Variants in ELOA observed in about 807,000 individuals in gnomAD.
The protein encoded by ELOA is elongin-A.
A neutral mutation model predicts 85.2 loss-of-function variants in ELOA; 15 were observed. That is an observed-to-expected ratio of 0.18 (90% CI 0.12 to 0.27). ELOA has a LOEUF of 0.27. Among genes scored for constraint, ELOA ranks in the 10% least tolerant of loss-of-function variants. The pLI is 1.00. For missense variants in ELOA, 769 were observed against 952.7 expected (o/e 0.81, Z 2.54); for synonymous variants, 348 against 357.2 (o/e 0.97, Z 0.29).
chr1:23,750,838 A>C lies in ELOA; in HGVS notation c.240-7A>C. 6.4e-7 allele frequency: 1 copy of C among 1,551,498 alleles called. No homozygotes were observed. The highest frequency in any genetic ancestry group is 8.7e-7 in the Non-Finnish European group (1 of 1,154,064). On this transcript the variant is annotated splice_region_variant and splice_polypyrimidine_tract_variant and intron_variant, in intron 3 of 10. Coordinates refer to ENST00000613537, the MANE Select transcript of ELOA (RefSeq NM_003198.3). ...ACCTACTTTGTCTGCTTTTTCTTTT[A>C]TTTTAGAAATGCTGAGCCTGATGAA...
At position 23,756,305 on chromosome 1, in the gene ELOA, T is replaced by A; in HGVS notation, c.2004T>A (p.Ser668=). 6.4e-7 allele frequency: 1 copy of A among 1,573,028 alleles called. No individual in the cohort carries two copies. Among genetic ancestry groups the A allele is most frequent in the Non-Finnish European group, 8.6e-7 (1 of 1,158,896 alleles). Residue 668 remains serine, a synonymous_variant, in exon 9 of 11, where the codon TCT becomes TCA. Transcript: ENST00000613537. The part of the protein sequence containing the change: ...GRQAKMAFVN[S]VAKPPRDVRR... ...AAGCAAAGATGGCCTTTGTCAACTC[T>A]GTGGCCAAGCCACCTCGTGACGTCC... is the stretch of plus-strand genomic sequence containing the variant.
chr1:23,754,807 A>C (rs892376499), intron 7 of ELOA, among the ~76,000 whole-genome samples: 2 of 152,198 alleles, frequency 1.3e-5, no homozygotes, highest in South Asian at 4.1e-4. Context: ...ACACTCTGAC[A>C]TCTGGTGATT....
In ELOA at chr1:23,751,083, A is replaced by G; in HGVS notation, c.478A>G (p.Arg160Gly). Residue 160 changes from arginine (R) to glycine (G), a missense_variant, in exon 4 of 11, where the codon AGA becomes GGA. Arg to Gly is a moderately radical substitution (Grantham distance 125). This residue lies in a region of ELOA where 440 missense variants were observed against 474.0 expected (regional missense o/e 0.93). Coordinates refer to ENST00000613537, the MANE Select transcript of ELOA (RefSeq NM_003198.3). Reference protein sequence around the residue: ...ERRDERKRCHRMSPTYSSDPE... With the variant: ...ERRDERKRCHGMSPTYSSDPE... ...GAGAGATGAGAGAAAGAGGTGTCAC[A>G]GAATGTCACCAACTTACTCTTCAGA... The G allele has an allele frequency of 6.2e-7, 1 of 1,614,144 alleles. No homozygotes were observed. The highest frequency in any genetic ancestry group is 8.5e-7 in the Non-Finnish European group (1 of 1,180,040).
At chr1:23,748,899 T>G (rs1312245971) in intron 1 of ELOA, 122 bp from the exon 2 acceptor site, 1 of 697,242 alleles carries the variant, frequency 1.4e-6, no homozygotes, top group Admixed American at 2.6e-5. Flanking sequence ...TATTACTTAC[T>G]ACTGTAAATA....
intron 10 of ELOA, 56 bp downstream of exon 10, chr1:23,757,181 C>G (rs904140974): frequency 1.4e-6 from 2 of 1,479,778 alleles, no homozygotes; most frequent in Admixed American, 2.5e-5. Context: ...TTTTAACTCT[C>G]AATGTCATTA....
intron 3 of ELOA, among the ~76,000 whole-genome samples, chr1:23,750,170 CTTTTTTTTT>C (rs747972246): frequency 3.3e-5 from 3 of 90,536 alleles, no homozygotes; most frequent in South Asian, 4.1e-4. Context: ...TGGTACGTTT[CTTTTTTTTT>C]TTTTTTTTTT....
chr1:23,750,097 T>TA (rs1381758969), intron 3 of ELOA, 149 bp downstream of exon 3: 1 of 509,410 alleles, frequency 2.0e-6, no homozygotes, highest in Non-Finnish European at 3.2e-6. Flanking sequence ...TATTAGAAAA[T>TA]ATTAAAAATA....
chr1:23,759,443 T>C (rs1265731771), intron 10 of ELOA, 69 bp from the exon 11 acceptor site: 2 of 1,519,322 alleles, frequency 1.3e-6, no homozygotes, highest in African/African-American at 2.7e-5. Flanking sequence ...TGGCTTTGAC[T>C]GTAAACTACT....
rs72663289 is a variant in ELOA at position 23,753,894 on chromosome 1, T to C, written c.1538-206T>C. ...CAGGTGCATGTTGGGCAGGCTGATC[T>C]CGAACTCTTGACCTCAGATGATTCA... On this transcript the variant is annotated intron_variant, in intron 5 of 10. Transcript: ENST00000613537. 7.9e-3 allele frequency among the ~76,000 whole-genome samples: 1,197 copies of C among 152,174 alleles called. 7 individuals are homozygous for C. Among genetic ancestry groups the C allele is most frequent in the Non-Finnish European group, 0.013 (914 of 67,994 alleles).
Position 23,754,207 on chromosome 1 carries a change from A to T in ELOA, c.1645A>T (p.Met549Leu), listed in dbSNP as rs1347385520. 1 of 1,614,230 alleles carries T rather than the reference A, an allele frequency of 6.2e-7. No individual in the cohort carries two copies. Residue 549 changes from methionine to leucine, a missense_variant, in exon 6 of 11, where the codon ATG (methionine) becomes TTG (leucine). Physicochemically the swap from Met to Leu is conservative, Grantham distance 15. Around this residue, in one of 4 missense-constraint regions of ELOA, gnomAD observed 193 missense variants for 278.9 expected, o/e 0.69. Coordinates refer to ENST00000613537, the MANE Select transcript of ELOA (RefSeq NM_003198.3). ...GSKCAYLPKMMTLHQQCIRVL... is the reference protein window; with the variant it reads ...GSKCAYLPKMLTLHQQCIRVL... ...CAAGTGTGCCTATCTCCCTAAAATG[A>T]TGACCTTGCACCAGCAATGCATCCG... is the stretch of plus-strand genomic sequence containing the variant.
At chr1:23,753,348 T>C (rs1644780719) in intron 5 of ELOA, among the ~76,000 whole-genome samples, 1 of 152,192 alleles carries the variant, frequency 6.6e-6, no homozygotes. Flanking sequence ...ATCTGCCCCA[T>C]AGGGCTCAGT....
intron 5 of ELOA, among the ~76,000 whole-genome samples, chr1:23,753,737 T>C (rs922719100): frequency 6.6e-6 from 1 of 152,194 alleles, no homozygotes; most frequent in Non-Finnish European, 1.5e-5. Flanking sequence ...TTGCTTTTTT[T>C]TGTTGTTGCT....
rs767373063 is a variant in ELOA, at chr1:23,760,064, C to T, written c.*491C>T. 20 of 163,564 alleles carry T rather than the reference C, an allele frequency of 1.2e-4. 1 individual carries two copies. Among genetic ancestry groups the T allele is most frequent in the Admixed American group, 7.3e-4 (12 of 16,544 alleles). 10.1% of individuals were successfully genotyped at this position (163,564 alleles called of 1,614,324 possible). A position where few individuals can be genotyped will look rare whatever the true frequency, so the allele number is the denominator to read the frequency against. Reference sequence around the variant, plus strand: ...GGTCCAGACAGAGGACTGGGCATCTCCAGAGCCTGCACAGTACCTGCTGCA... The same window carrying T: ...GGTCCAGACAGAGGACTGGGCATCTTCAGAGCCTGCACAGTACCTGCTGCA... On this transcript the variant is annotated 3_prime_UTR_variant, in exon 11 of 11. Transcript: ENST00000613537.
At chr1:23,746,636 C>T (rs1035625520) in intron 1 of ELOA, among the ~76,000 whole-genome samples, 17 of 146,430 alleles carry the variant, frequency 1.2e-4, no homozygotes, top group Non-Finnish European at 7.5e-5. Context: ...AAAAAAGGAT[C>T]CTCGTCCTGT....
At chr1:23,743,651 C>T (rs1422571994) in intron 1 of ELOA, 73 bp downstream of exon 1, 12 of 1,379,174 alleles carry the variant, frequency 8.7e-6, no homozygotes, top group African/African-American at 1.5e-5. Flanking sequence ...GCGGCCCGAG[C>T]GTGGCGGGGT....
rs749790354 is a variant in ELOA, at chr1:23,751,233, C to T, written c.628C>T (p.Pro210Ser). Residue 210 changes from proline (P) to serine (S), a missense_variant, in exon 4 of 11, where the codon CCT (proline) becomes TCT (serine). Pro to Ser is a moderately conservative substitution (Grantham distance 74, BLOSUM62 -1). Around this residue, in one of 4 missense-constraint regions of ELOA, gnomAD observed 440 missense variants for 474.0 expected, o/e 0.93. Coordinates refer to ENST00000613537, the MANE Select transcript of ELOA (RefSeq NM_003198.3). Reference protein sequence around the residue: ...DQEPIVSHQKPGKGHSNAFQD... With the variant: ...DQEPIVSHQKSGKGHSNAFQD... ...GGAGCCCATTGTTTCACACCAGAAG[C>T]CTGGGAAAGGCCACAGCAATGCCTT... The T allele has an allele frequency of 3.1e-6, 5 of 1,614,216 alleles. No homozygotes were observed. In the South Asian group the frequency reaches 5.5e-5, roughly 18 times the overall value.
intron 1 of ELOA, among the ~76,000 whole-genome samples, chr1:23,745,185 A>G (rs1644740896): frequency 6.6e-6 from 1 of 152,200 alleles, no homozygotes; most frequent in African/African-American, 2.4e-5. Context: ...TACCGTACCT[A>G]GTGGTCAGGC....
At chr1:23,752,308 T>G (rs1644774935) in intron 4 of ELOA, 99 bp from the exon 5 acceptor site, 2 of 1,183,038 alleles carry the variant, frequency 1.7e-6, no homozygotes, top group Admixed American at 4.2e-5. Flanking sequence ...TGGATCTTCC[T>G]GTGCAAGATG....
chr1:23,745,067 C>T (rs573480198), intron 1 of ELOA, among the ~76,000 whole-genome samples: 2 of 152,188 alleles, frequency 1.3e-5, no homozygotes, highest in Non-Finnish European at 2.9e-5. Flanking sequence ...TAAGGCTCTT[C>T]GTTCATACCT....
Sources: allele counts gnomAD v4.1 joint callset (sites outside exome capture counted in the v4.1 genomes callset), GRCh38; gene constraint gnomAD v4.1.1; regional missense constraint gnomAD v4.1.1; transcripts MANE v1.5; gene names NCBI Gene and HGNC (gene_info 2026-07-23, HGNC 2026-07-21).